Variants in GTF2H2 observed in about 807,000 individuals in gnomAD.
GTF2H2 encodes the protein general transcription factor IIH subunit 2.
A neutral mutation model predicts 16.5 loss-of-function variants in GTF2H2; 2 were observed. That is an observed-to-expected ratio of 0.12 (90% CI 0.05 to 0.38). The LOEUF is 0.38. GTF2H2 is among the 10% of genes least tolerant of loss of function. The pLI is 0.99. For synonymous variants in GTF2H2, 8 were observed against 44.1 expected (o/e 0.18, Z 3.24); for missense variants, 20 against 137.0 (o/e 0.15, Z 4.26).
At chr5:71,045,328 CT>C in intron 12 of GTF2H2, 115 bp downstream of exon 12, 1 of 483,808 alleles carries the variant, frequency 2.1e-6, no homozygotes, top group South Asian at 2.2e-5. Context: ...CTGAAGATCA[CT>C]CCATACAAGT....
At chr5:71,055,140 T>C (rs1753111645) in intron 8 of GTF2H2, 1 of 401,432 alleles carries the variant, frequency 2.5e-6, no homozygotes, top group East Asian at 4.2e-5. Context: ...TTTTAAATTA[T>C]ATTTTTATAA....
chr5:71,050,963 T>C (rs1752662336), intron 8 of GTF2H2, among the ~76,000 whole-genome samples: 1 of 127,202 alleles, frequency 7.9e-6, no homozygotes, highest in Admixed American at 8.3e-5. Flanking sequence ...TCTCCTGCCT[T>C]AGCCTCCCCA....
Position 71,051,141 on chromosome 5 carries a change from C to G in GTF2H2, c.471-1983G>C, listed in dbSNP as rs1213410874. On this transcript the variant is annotated intron_variant, in intron 8 of 15. Transcript: ENST00000274400. The stretch of plus-strand genomic sequence containing the variant: ...GGATTACAGGCATGAGCCACCATGC[C>G]CAGCCAGTGTAGATATTTTGACCTC... 1.4e-5 allele frequency among the ~76,000 whole-genome samples: 2 copies of G among 139,154 alleles called. 1 individual carries two copies. Among genetic ancestry groups the G allele is most frequent in the Non-Finnish European group, 3.1e-5 (2 of 63,814 alleles). The allele number at this position is 139,154 out of a possible 152,430, so 91.3% of individuals were successfully genotyped here.
intron 8 of GTF2H2, 94 bp downstream of exon 8, chr5:71,055,258 T>C (rs1753122866): frequency 3.2e-6 from 4 of 1,257,790 alleles, no homozygotes; most frequent in East Asian, 2.6e-5. Context: ...AATTTTGTTA[T>C]AGCTGGGTTT....
rs1401305285 is a variant in GTF2H2 at position 71,054,769 on chromosome 5, T to C, written c.470+583A>G. On this transcript the variant is annotated intron_variant, in intron 8 of 15. Coordinates refer to ENST00000274400, the Ensembl canonical transcript of GTF2H2. The stretch of plus-strand genomic sequence containing the variant: ...TGTGTGTGTATATATATAATAGATA[T>C]ATAAGCTTTAACTTATATATGTAAG... Among the ~76,000 whole-genome samples, 24 of 137,234 alleles carry C rather than the reference T, an allele frequency of 1.7e-4. 3 individuals are homozygous for C. The highest frequency in any genetic ancestry group is 3.3e-4 in the Non-Finnish European group (21 of 64,198). 90.0% of individuals were successfully genotyped at this position (137,234 alleles called of 152,430 possible). A position where few individuals can be genotyped will look rare whatever the true frequency, so the allele number is the denominator to read the frequency against.
chr5:71,055,036 A>G lies in GTF2H2; in HGVS notation c.470+316T>C, dbSNP rs1753099873. On this transcript the variant is annotated intron_variant, in intron 8 of 15. Transcript: ENST00000274400. ...TAAATTAATAAATGTTAATAAAGGTACAACCAACTTACAATTATTATACTA... is the reference window on the plus strand; with the variant it reads ...TAAATTAATAAATGTTAATAAAGGTGCAACCAACTTACAATTATTATACTA... 1.1e-5 allele frequency: 2 copies of G among 179,494 alleles called. 1 individual carries two copies. The highest frequency in any genetic ancestry group is 5.2e-5 in the African/African-American group (2 of 38,496). The allele number at this position is 179,494 out of a possible 1,614,324, so 11.1% of individuals were successfully genotyped here.
chr5:71,046,556 A>G (rs1443026776), intron 11 of GTF2H2, among the ~76,000 whole-genome samples: 5 of 108,806 alleles, frequency 4.6e-5, no homozygotes, highest in Non-Finnish European at 7.5e-5. Flanking sequence ...AAAAATATAC[A>G]TATTAAATAA....
At chr5:71,055,363 C>T (rs1580993837) in exon 8 of GTF2H2, 2 of 1,578,012 alleles carry the variant, frequency 1.3e-6, no homozygotes, top group Non-Finnish European at 1.7e-6. Context: ...TTAGAGTCTG[C>T]ATAGCTATGC....
rs1752888909 is a variant in GTF2H2 at position 71,053,029 on chromosome 5, A to G, written c.470+2323T>C. ...GGTGATCCTCCCATCTTAGCCTCCC[A>G]AAGTGTTGCAGTTACAGGTAAGAGC... On this transcript the variant is annotated intron_variant, in intron 8 of 15. Coordinates refer to ENST00000274400, the Ensembl canonical transcript of GTF2H2. 7.4e-5 allele frequency among the ~76,000 whole-genome samples: 8 copies of G among 108,480 alleles called. No individual in the cohort carries two copies. In the South Asian group the frequency reaches 2.4e-3, roughly 32 times the overall value. 71.2% of individuals were successfully genotyped at this position (108,480 alleles called of 152,430 possible). A position where few individuals can be genotyped will look rare whatever the true frequency, so the allele number is the denominator to read the frequency against.
At chr5:71,063,723 C>CA (rs1280417755) in intron 1 of GTF2H2, among the ~76,000 whole-genome samples, 1 of 143,566 alleles carries the variant, frequency 7.0e-6, no homozygotes, top group Non-Finnish European at 1.5e-5. Flanking sequence ...TACTAGCAGC[C>CA]AAAAAAACAA....
chr5:71,046,565 A>T (rs1226373413), intron 11 of GTF2H2, among the ~76,000 whole-genome samples: 1 of 121,332 alleles, frequency 8.2e-6, no homozygotes, highest in Non-Finnish European at 1.7e-5. Flanking sequence ...CATATTAAAT[A>T]AGGAGATTAT....
intron 8 of GTF2H2, among the ~76,000 whole-genome samples, chr5:71,054,814 T>TTA (rs1170356408): frequency 6.0e-5 from 8 of 134,242 alleles, no homozygotes; most frequent in Admixed American, 2.3e-4. Context: ...TATATAAGCT[T>TTA]TATATATATA....
chr5:71,044,291 C>A (rs1182122816), intron 12 of GTF2H2, among the ~76,000 whole-genome samples: 1 of 38,602 alleles, frequency 2.6e-5, no homozygotes, highest in Non-Finnish European at 4.9e-5. Context: ...TCTCCTCACA[C>A]AAAAGGGCTG....
chr5:71,061,493 G>C (rs1038238220), intron 3 of GTF2H2, 185 bp from the exon 4 acceptor site: 1 of 432,754 alleles, frequency 2.3e-6, no homozygotes, highest in African/African-American at 3.1e-5. Flanking sequence ...ACAATTATAG[G>C]TATTGTAGAC....
Position 71,052,176 on chromosome 5 carries a change from T to C in GTF2H2, c.471-3018A>G, listed in dbSNP as rs1411633955. On this transcript the variant is annotated intron_variant, in intron 8 of 15. Coordinates refer to ENST00000274400, the Ensembl canonical transcript of GTF2H2. ...GCTGCTTCCTCTTGCACTTTTTTTTTCTTTATTTTGAGACGGAGTCTCACA... is the reference window on the plus strand; with the variant it reads ...GCTGCTTCCTCTTGCACTTTTTTTTCCTTTATTTTGAGACGGAGTCTCACA... 1.4e-5 allele frequency among the ~76,000 whole-genome samples: 2 copies of C among 142,910 alleles called. 1 individual carries two copies. Among genetic ancestry groups the C allele is most frequent in the African/African-American group, 5.4e-5 (2 of 37,054 alleles). The allele number at this position is 142,910 out of a possible 152,430, so 93.8% of individuals were successfully genotyped here. A position where few individuals can be genotyped will look rare whatever the true frequency, so the allele number is the denominator to read the frequency against.
rs940048523 is a variant in GTF2H2, at chr5:71,052,887, T to C, written c.470+2465A>G. On this transcript the variant is annotated intron_variant, in intron 8 of 15. Transcript: ENST00000274400. ...GCCTCCTGAGAAGTTAGGGACTACA[T>C]ACAGGTGCTCGCCACTGTGCCTGGC... Among the ~76,000 whole-genome samples the C allele has an allele frequency of 6.0e-5, 5 of 82,930 alleles. 1 individual carries two copies. The highest frequency in any genetic ancestry group is 2.1e-4 in the African/African-American group (4 of 19,198). The allele number at this position is 82,930 out of a possible 152,430, so 54.4% of individuals were successfully genotyped here. A position where few individuals can be genotyped will look rare whatever the true frequency, so the allele number is the denominator to read the frequency against.
At position 71,038,673 on chromosome 5, in the gene GTF2H2, A is replaced by G. The variant is rs1234917069; in HGVS notation, c.1029-1127T>C. ...AGCCATAAGTTTTCCCCTATTTAAA[A>G]CATTTTTTTTTTCCTGGAAATACTG... is the stretch of plus-strand genomic sequence containing the variant. On this transcript the variant is annotated intron_variant, in intron 14 of 15. Coordinates refer to ENST00000274400, the Ensembl canonical transcript of GTF2H2. 4.1e-3 allele frequency among the ~76,000 whole-genome samples: 99 copies of G among 23,918 alleles called. 7 individuals are homozygous for G. Among genetic ancestry groups the G allele is most frequent in the African/African-American group, 0.015 (92 of 6,248 alleles). The allele number at this position is 23,918 out of a possible 152,430, so 15.7% of individuals were successfully genotyped here.
intron 8 of GTF2H2, among the ~76,000 whole-genome samples, chr5:71,052,915 ATTTTTTTTTTTTTTTTTTT>A (rs1241503525): frequency 1.1e-4 from 5 of 44,050 alleles, no homozygotes; most frequent in African/African-American, 5.8e-4. Context: ...TGCCTGGCTA[ATTTTTTTTTTTTTTTTTTT>A]TTTTTTTTTT....
chr5:71,055,070 C>T (rs1224899229), intron 8 of GTF2H2: 1 of 228,506 alleles, frequency 4.4e-6, no homozygotes, highest in Non-Finnish European at 8.3e-6. Context: ...TATATTAAAT[C>T]TCATTTTAAT....
Sources: gnomAD v4.1 joint callset for allele counts (sites outside exome capture counted in the v4.1 genomes callset) on GRCh38, gnomAD v4.1.1 for gene constraint, MANE v1.5 for transcripts, NCBI Gene and HGNC (gene_info 2026-07-23, HGNC 2026-07-21) for gene names.